The following UNC13C variants were observed in gnomAD, a reference collection of about 807,000 sequenced individuals.
The protein encoded by UNC13C is protein unc-13 homolog C.
In UNC13C, 174 loss-of-function variants were observed where a neutral mutation model predicts 245.4. The ratio of observed to expected loss-of-function variants is 0.71; its 90% CI spans 0.63 to 0.80. The LOEUF (loss-of-function observed/expected upper bound fraction) is 0.80. Among genes scored for constraint, UNC13C ranks in the 30% least tolerant of loss-of-function variants. UNC13C has a pLI of 0.00. For synonymous variants in UNC13C, 992 were observed against 895.1 expected (o/e 1.11, Z -1.93); for missense variants, 2,829 against 2,602.9 (o/e 1.09, Z -1.89).
intron 7 of UNC13C, among the ~76,000 whole-genome samples, chr15:54,247,484 C>T (rs1194968136): frequency 6.6e-6 from 1 of 152,086 alleles, no homozygotes; most frequent in African/African-American, 2.4e-5. Context: ...ACTATCAACT[C>T]AACATATACT....
chr15:53,992,362 G>A (rs998659682), intron 1 of UNC13C, among the ~76,000 whole-genome samples: 1 of 152,026 alleles, frequency 6.6e-6, no homozygotes, highest in South Asian at 2.1e-4. Context: ...GCTGGAGAAT[G>A]CTATGACTTT....
chr15:54,580,369 A>C (rs1483411464), intron 30 of UNC13C, among the ~76,000 whole-genome samples: 1 of 152,270 alleles, frequency 6.6e-6, no homozygotes, highest in East Asian at 1.9e-4. Context: ...GCATAAAAAT[A>C]GTAAACCTAA....
At chr15:53,846,684 T>G in the UNC13C span, among the ~76,000 whole-genome samples, 8 of 152,292 alleles carry the variant, frequency 5.3e-5, no homozygotes, top group African/African-American at 1.9e-4. Context: ...GAATGACAAA[T>G]TTTTAAAAAA....
chr15:54,367,142 C>T (rs752926134), intron 17 of UNC13C, among the ~76,000 whole-genome samples: 3 of 152,114 alleles, frequency 2.0e-5, no homozygotes, highest in Non-Finnish European at 4.4e-5. Flanking sequence ...TTCTCAGAAG[C>T]TATCAGAACA....
At chr15:54,134,049 C>CGT (rs3082223) in intron 2 of UNC13C, among the ~76,000 whole-genome samples, 18,458 of 149,408 alleles carry the variant, frequency 0.12, 1,634 homozygotes, top group African/African-American at 0.25. Context: ...TACTGAGTTA[C>CGT]GTGTGTGTGT....
chr15:54,418,238 A>C (rs188618558), intron 19 of UNC13C, among the ~76,000 whole-genome samples: 3 of 152,316 alleles, frequency 2.0e-5, no homozygotes, highest in Non-Finnish European at 2.9e-5. Context: ...CCCACAGAAC[A>C]CATGGCAAAA....
rs148916327 is a variant in UNC13C at position 54,485,972 on chromosome 15, A to T, written c.4934-8636A>T. 9.9e-5 allele frequency among the ~76,000 whole-genome samples: 15 copies of T among 151,934 alleles called. No homozygotes were observed. In the East Asian group the frequency reaches 2.7e-3, roughly 27 times the overall value. On this transcript the variant is annotated intron_variant, in intron 19 of 32. Coordinates refer to ENST00000260323, the MANE Select transcript of UNC13C (RefSeq NM_001080534.3). ...TTCCTCCCCTTACATTACATTATAT[A>T]TTTTTTTTCCAGAACACATACCTCA...
chr15:54,250,384 G>T lies in UNC13C; in HGVS notation c.3388G>T (p.Glu1130Ter). The T allele has an allele frequency of 6.2e-7, 1 of 1,613,906 alleles. No individual in the cohort carries two copies. Among genetic ancestry groups the T allele is most frequent in the Non-Finnish European group, 8.5e-7 (1 of 1,179,840 alleles). Residue 1130 changes from glutamate to a stop codon, truncating the protein, a stop_gained, in exon 8 of 33, where the codon GAG becomes TAG. Transcript: ENST00000260323. LOFTEE classifies it high-confidence loss of function. ...TGCAAGGCAAGGCATGAAGTGTCTGGAGTGTGGAGTGAAATGCCACGAAAA... is the reference window on the plus strand; with the variant it reads ...TGCAAGGCAAGGCATGAAGTGTCTGTAGTGTGGAGTGAAATGCCACGAAAA... ...GIARQGMKCL[E>*]CGVKCHEKCQ...
At position 54,105,351 on chromosome 15, in the gene UNC13C, C is replaced by T. The variant is rs563903211; in HGVS notation, c.2984-37667C>T. On this transcript the variant is annotated intron_variant, in intron 2 of 32. Coordinates refer to ENST00000260323, the MANE Select transcript of UNC13C (RefSeq NM_001080534.3). ...TTGCTTTCAGCTCCTTTCTCTAGGCCCACAATTCTTCCCACCTGCTGCATC... is the reference window on the plus strand; with the variant it reads ...TTGCTTTCAGCTCCTTTCTCTAGGCTCACAATTCTTCCCACCTGCTGCATC... 5.3e-5 allele frequency among the ~76,000 whole-genome samples: 8 copies of T among 152,184 alleles called. No homozygotes were observed. In the South Asian group the frequency reaches 1.7e-3, roughly 32 times the overall value.
At chr15:54,566,865 T>G (rs1274352905) in intron 29 of UNC13C, among the ~76,000 whole-genome samples, 8 of 152,126 alleles carry the variant, frequency 5.3e-5, no homozygotes, top group Non-Finnish European at 1.2e-4. Context: ...TTTGACATAT[T>G]TCGTTCTGTG....
intron 30 of UNC13C, among the ~76,000 whole-genome samples, chr15:54,580,494 T>A (rs1016798426): frequency 6.6e-6 from 1 of 152,220 alleles, no homozygotes; most frequent in Non-Finnish European, 1.5e-5. Context: ...TATACAGGCA[T>A]GGCCCAAGCA....
At chr15:54,369,566 A>G (rs2039442443) in intron 17 of UNC13C, among the ~76,000 whole-genome samples, 1 of 152,170 alleles carries the variant, frequency 6.6e-6, no homozygotes, top group South Asian at 2.1e-4. Flanking sequence ...GTTAGATACT[A>G]TCTGCTATAA....
At chr15:54,275,933 T>C (rs1398401209) in intron 10 of UNC13C, among the ~76,000 whole-genome samples, 1 of 152,102 alleles carries the variant, frequency 6.6e-6, no homozygotes, top group East Asian at 1.9e-4. Flanking sequence ...ACTGAAATAC[T>C]AGTTAATAGT....
chr15:54,409,731 G>A (rs189936646), intron 18 of UNC13C, among the ~76,000 whole-genome samples: 2 of 152,170 alleles, frequency 1.3e-5, no homozygotes, highest in African/African-American at 4.8e-5. Context: ...ATACCTGTGT[G>A]GTATCCTATG....
At chr15:54,359,517 C>T (rs1272465843) in intron 17 of UNC13C, among the ~76,000 whole-genome samples, 2 of 151,790 alleles carry the variant, frequency 1.3e-5, no homozygotes, top group Non-Finnish European at 1.5e-5. Flanking sequence ...CAGTCTTCTT[C>T]CTTATTATTA....
intron 26 of UNC13C, among the ~76,000 whole-genome samples, chr15:54,540,447 G>A (rs1282343290): frequency 6.6e-6 from 1 of 151,966 alleles, no homozygotes; most frequent in Non-Finnish European, 1.5e-5. Context: ...AGATAGCTCA[G>A]GTTCTAAAAT....
chr15:54,606,761 C>T (rs1401681999), intron 30 of UNC13C, among the ~76,000 whole-genome samples: 1 of 152,170 alleles, frequency 6.6e-6, no homozygotes, highest in Admixed American at 6.5e-5. Flanking sequence ...GCATCTGACC[C>T]TACAGCCTGT....
At chr15:53,913,437 A>G in the UNC13C span, 2 of 152,270 alleles carry the variant, frequency 1.3e-5, no homozygotes, top group African/African-American at 4.8e-5. Flanking sequence ...GCAGTTAGTA[A>G]TAATAGGATG....
At chr15:54,185,120 T>G (rs926893038) in intron 4 of UNC13C, among the ~76,000 whole-genome samples, 1 of 151,930 alleles carries the variant, frequency 6.6e-6, no homozygotes, top group African/African-American at 2.4e-5. Context: ...GGGTTGTTTG[T>G]TTTTTTTCTT....
Sources: gnomAD v4.1 joint callset for allele counts (sites outside exome capture counted in the v4.1 genomes callset) on GRCh38, gnomAD v4.1.1 for gene constraint, MANE v1.5 for transcripts, NCBI Gene and HGNC (gene_info 2026-07-23, HGNC 2026-07-21) for gene names.